Variants in RUNDC3B observed in about 807,000 individuals in gnomAD.
RUNDC3B encodes the protein RUN domain-containing protein 3B.
Under a neutral mutation model 58.4 loss-of-function variants are expected in RUNDC3B, and 33 were observed. That is an observed-to-expected ratio of 0.56 (90% CI 0.43 to 0.75). The LOEUF is 0.75. Among genes scored for constraint, RUNDC3B ranks in the 30% least tolerant of loss-of-function variants. The pLI is 0.00. For missense variants in RUNDC3B, 501 were observed against 535.7 expected (o/e 0.94, Z 0.64); for synonymous variants, 193 against 195.2 (o/e 0.99, Z 0.10).
chr7:87,809,559 ATAGC>A (rs1836602556), intron 9 of RUNDC3B, among the ~76,000 whole-genome samples: 1 of 152,182 alleles, frequency 6.6e-6, no homozygotes, highest in South Asian at 2.1e-4. Context: ...CTAGCATTTA[ATAGC>A]TAGCTTCTCA....
At chr7:87,657,989 T>C (rs1824288018) in intron 2 of RUNDC3B, among the ~76,000 whole-genome samples, 1 of 152,086 alleles carries the variant, frequency 6.6e-6, no homozygotes, top group African/African-American at 2.4e-5. Flanking sequence ...ATAATATAAA[T>C]ATGTCCAGCT....
chr7:87,693,190 G>A (rs997814301), intron 2 of RUNDC3B, among the ~76,000 whole-genome samples: 7 of 152,126 alleles, frequency 4.6e-5, no homozygotes, highest in African/African-American at 9.7e-5. Flanking sequence ...GAAAAATATA[G>A]CAGAAATTTC....
intron 8 of RUNDC3B, among the ~76,000 whole-genome samples, chr7:87,778,602 A>G (rs1286888706): frequency 1.3e-5 from 2 of 152,212 alleles, no homozygotes; most frequent in Non-Finnish European, 1.5e-5. Flanking sequence ...GATTACAAAT[A>G]GATGGTATTT....
At position 87,628,598 on chromosome 7, in the gene RUNDC3B, T is replaced by G; in HGVS notation, c.-226T>G. On this transcript the variant is annotated 5_prime_UTR_variant, in exon 1 of 11. Transcript: ENST00000394654. The stretch of plus-strand genomic sequence containing the variant: ...GTGCGTGCGTGCGTGTGTGTGTGTG[T>G]GTGTGTGTGTGTGTGTGTGTGTGTG... 3.2e-6 allele frequency: 1 copy of G among 312,272 alleles called. No homozygotes were observed. The highest frequency in any genetic ancestry group is 5.8e-6 in the Non-Finnish European group (1 of 171,436). The allele number at this position is 312,272 out of a possible 1,614,324, so 19.3% of individuals were successfully genotyped here.
chr7:87,697,820 A>C (rs953192117), intron 2 of RUNDC3B, among the ~76,000 whole-genome samples: 2 of 152,148 alleles, frequency 1.3e-5, no homozygotes, highest in African/African-American at 4.8e-5. Context: ...AGTGAACCTA[A>C]GTCATTTTTT....
intron 8 of RUNDC3B, among the ~76,000 whole-genome samples, chr7:87,804,503 G>T (rs182675105): frequency 1.3e-5 from 2 of 152,154 alleles, no homozygotes; most frequent in East Asian, 3.9e-4. Context: ...TTCCTATTGA[G>T]AATCTAAAGA....
At chr7:87,807,863 A>G (rs1216787739) in intron 9 of RUNDC3B, among the ~76,000 whole-genome samples, 2 of 152,154 alleles carry the variant, frequency 1.3e-5, no homozygotes, top group African/African-American at 4.8e-5. Context: ...AGGAATAGAA[A>G]GATATTTACT....
At position 87,779,057 on chromosome 7, in the gene RUNDC3B, A is replaced by G. The variant is rs532063434; in HGVS notation, c.956+1102A>G. On this transcript the variant is annotated intron_variant, in intron 8 of 10. Coordinates refer to ENST00000394654, the MANE Select transcript of RUNDC3B (RefSeq NM_001134405.2). ...ATTTTTTAACCACTTGAGAGGTTGC[A>G]TACATTATGGTCCTTCATTTCTTAC... Among the ~76,000 whole-genome samples the G allele has an allele frequency of 2.0e-5, 3 of 152,244 alleles. No individual in the cohort carries two copies. In the South Asian group the frequency reaches 6.2e-4, roughly 32 times the overall value.
chr7:87,719,990 CAAA>C (rs11363135), intron 4 of RUNDC3B, among the ~76,000 whole-genome samples: 10 of 112,244 alleles, frequency 8.9e-5, no homozygotes, highest in East Asian at 4.9e-4. Flanking sequence ...TGACTACATC[CAAA>C]AAAAAAAAAA....
At chr7:87,643,078 G>C (rs764740124) in intron 1 of RUNDC3B, among the ~76,000 whole-genome samples, 43 of 152,172 alleles carry the variant, frequency 2.8e-4, no homozygotes, top group Non-Finnish European at 5.6e-4. Flanking sequence ...CACCATGCCT[G>C]ACTAATTTTT....
chr7:87,761,658 T>C (rs1318371621), intron 6 of RUNDC3B, among the ~76,000 whole-genome samples: 7 of 151,938 alleles, frequency 4.6e-5, no homozygotes, highest in Admixed American at 1.3e-4. Context: ...GAAGCGTTGA[T>C]ACCTACCACA....
chr7:87,683,542 T>G (rs1827144991), intron 2 of RUNDC3B, among the ~76,000 whole-genome samples: 1 of 152,128 alleles, frequency 6.6e-6, no homozygotes. Context: ...TAGGGAGACC[T>G]GAGGAGAAAG....
chr7:87,634,713 C>T (rs1387231045), intron 1 of RUNDC3B, among the ~76,000 whole-genome samples: 2 of 151,872 alleles, frequency 1.3e-5, no homozygotes, highest in African/African-American at 4.8e-5. Flanking sequence ...GAGTATGCCT[C>T]ATAAGACTGT....
rs2130161860 is a variant in RUNDC3B, at chr7:87,628,662, G to T, written c.-162G>T. The T allele has an allele frequency of 4.9e-6, 2 of 412,024 alleles. No homozygotes were observed. The highest frequency in any genetic ancestry group is 7.2e-5 in the East Asian group (2 of 27,752). 25.5% of individuals were successfully genotyped at this position (412,024 alleles called of 1,614,324 possible). ...CCAAGGGCGAGCCGTCAGTCCCCGG[G>T]TGCGAGTCCCTGCTGTCTTCCACAC... On this transcript the variant is annotated 5_prime_UTR_variant, in exon 1 of 11. Coordinates refer to ENST00000394654, the MANE Select transcript of RUNDC3B (RefSeq NM_001134405.2).
intron 8 of RUNDC3B, among the ~76,000 whole-genome samples, chr7:87,781,901 A>G (rs1423833259): frequency 2.0e-5 from 3 of 152,132 alleles, no homozygotes; most frequent in Non-Finnish European, 4.4e-5. Flanking sequence ...TTTATCAAGT[A>G]TCTTTTCCTC....
chr7:87,733,873 T>C (rs1363922329), intron 4 of RUNDC3B, among the ~76,000 whole-genome samples: 1 of 152,116 alleles, frequency 6.6e-6, no homozygotes, highest in Non-Finnish European at 1.5e-5. Flanking sequence ...CAGGTTCTGG[T>C]TCATGGCCCA....
At chr7:87,742,335 T>C (rs2130814308) in intron 6 of RUNDC3B, among the ~76,000 whole-genome samples, 1 of 152,258 alleles carries the variant, frequency 6.6e-6, no homozygotes, top group Middle Eastern at 3.4e-3. Context: ...CACCATATTG[T>C]TGTCTGTTAT....
chr7:87,746,740 T>C (rs1269160307), intron 6 of RUNDC3B, among the ~76,000 whole-genome samples: 1 of 152,114 alleles, frequency 6.6e-6, no homozygotes, highest in Non-Finnish European at 1.5e-5. Context: ...AGGCAGAAGA[T>C]GGTTGGTGAG....
At chr7:87,754,585 T>C (rs1833244660) in intron 6 of RUNDC3B, among the ~76,000 whole-genome samples, 1 of 151,726 alleles carries the variant, frequency 6.6e-6, no homozygotes, top group Non-Finnish European at 1.5e-5. Flanking sequence ...ATAACCAAAA[T>C]CAGAGCTAAA....
Sources: gnomAD v4.1 joint callset for allele counts (sites outside exome capture counted in the v4.1 genomes callset) on GRCh38, gnomAD v4.1.1 for gene constraint, MANE v1.5 for transcripts, NCBI Gene and HGNC (gene_info 2026-07-23, HGNC 2026-07-21) for gene names.